Variants in PAPSS2 observed in about 807,000 individuals in gnomAD.
PAPSS2 encodes 3'-phosphoadenosine 5'-phosphosulfate synthase 2, also known as bifunctional 3'-phosphoadenosine 5'-phosphosulfate synthase 2.
A neutral mutation model predicts 66.5 loss-of-function variants in PAPSS2; 61 were observed. That is an observed-to-expected ratio of 0.92 (90% CI 0.75 to 1.14). The LOEUF (loss-of-function observed/expected upper bound fraction) is 1.14. PAPSS2 is among the 50% of genes most tolerant of loss of function. PAPSS2 has a pLI of 0.00. For missense variants in PAPSS2, 708 were observed against 789.6 expected, an observed-to-expected ratio of 0.90 and a Z score of 1.24; for synonymous variants, 289 against 287.5, an observed-to-expected ratio of 1.01 and a Z score of -0.05.
chr10:87,692,109 G>C (rs1853178805), intron 1 of PAPSS2, among the ~76,000 whole-genome samples: 1 of 151,802 alleles, frequency 6.6e-6, no homozygotes, highest in African/African-American at 2.4e-5. Flanking sequence ...AGACTTGATA[G>C]ATTAATTTTT....
chr10:87,685,683 CA>C (rs1395669944), intron 1 of PAPSS2, among the ~76,000 whole-genome samples: 4 of 151,928 alleles, frequency 2.6e-5, no homozygotes, highest in Non-Finnish European at 2.9e-5. Context: ...GACCCTGTCT[CA>C]AAAAAAATTT....
At chr10:87,743,920 G>T (rs1853905142) in intron 11 of PAPSS2, among the ~76,000 whole-genome samples, 1 of 152,130 alleles carries the variant, frequency 6.6e-6, no homozygotes, top group Non-Finnish European at 1.5e-5. Context: ...TGACCAACAT[G>T]ATGAAACCCT....
chr10:87,746,108 T>TAA lies in PAPSS2; in HGVS notation c.*146_*147dup, dbSNP rs141653988. On this transcript the variant is annotated 3_prime_UTR_variant, in exon 13 of 13. Transcript: ENST00000456849. ...ATGAAGTAAAAGTTGTGTCTATAAT[T>TAA]AAAAAAAAATATATATATATACACA... 64 of 631,544 alleles carry TAA rather than the reference T, an allele frequency of 1.0e-4. No homozygotes were observed. Among genetic ancestry groups the TAA allele is most frequent in the South Asian group, 4.6e-4 (21 of 45,912 alleles). The allele number at this position is 631,544 out of a possible 1,614,324, so 39.1% of individuals were successfully genotyped here.
intron 1 of PAPSS2, among the ~76,000 whole-genome samples, chr10:87,703,300 T>A (rs1311300087): frequency 6.6e-6 from 1 of 151,682 alleles, no homozygotes; most frequent in East Asian, 1.9e-4. Flanking sequence ...TGTGTGTGTG[T>A]GTGTGTGTGT....
At chr10:87,711,846 T>C (rs1282498924) in intron 2 of PAPSS2, among the ~76,000 whole-genome samples, 1 of 150,794 alleles carries the variant, frequency 6.6e-6, no homozygotes, top group Non-Finnish European at 1.5e-5. Flanking sequence ...ACCTCTTGGC[T>C]TTTTTCCTCT....
chr10:87,714,220 G>A, intron 4 of PAPSS2, 38 bp downstream of exon 4: 2 of 1,603,534 alleles, frequency 1.2e-6, no homozygotes, highest in Middle Eastern at 1.7e-4. Context: ...CAGTTACATA[G>A]GCTGTCAGTC....
intron 1 of PAPSS2, among the ~76,000 whole-genome samples, chr10:87,667,736 A>G (rs1014643390): frequency 9.2e-5 from 14 of 152,232 alleles, no homozygotes; most frequent in African/African-American, 3.4e-4. Context: ...GTATACCATC[A>G]AATATTAACT....
chr10:87,714,023 C>T, intron 3 of PAPSS2, 21 bp from the exon 4 acceptor site: 3 of 1,613,350 alleles, frequency 1.9e-6, no homozygotes, highest in Non-Finnish European at 2.5e-6. Context: ...TTTTTACATT[C>T]TTAATCATAT....
intron 1 of PAPSS2, among the ~76,000 whole-genome samples, chr10:87,696,277 T>A (rs555096145): frequency 6.6e-6 from 1 of 152,370 alleles, no homozygotes; most frequent in South Asian, 2.1e-4. Context: ...CTTTTGAGTA[T>A]TTGCCCTTCT....
At chr10:87,674,553 A>G (rs1402758500) in intron 1 of PAPSS2, among the ~76,000 whole-genome samples, 1 of 152,176 alleles carries the variant, frequency 6.6e-6, no homozygotes, top group Non-Finnish European at 1.5e-5. Context: ...TATTAGCAAT[A>G]CTTGTGACTA....
At chr10:87,683,231 T>C (rs1853046544) in intron 1 of PAPSS2, among the ~76,000 whole-genome samples, 1 of 151,858 alleles carries the variant, frequency 6.6e-6, no homozygotes, top group Non-Finnish European at 1.5e-5. Context: ...TAGCTGGGAC[T>C]GCAGGTGTGC....
In PAPSS2 at chr10:87,662,619, A is replaced by C. The variant is rs182519151; in HGVS notation, c.27+2611A>C. 1.9e-4 allele frequency among the ~76,000 whole-genome samples: 23 copies of C among 122,312 alleles called. No homozygotes were observed. The East Asian group carries it at 6.5e-3, about 35-fold the overall frequency. The allele number at this position is 122,312 out of a possible 152,430, so 80.2% of individuals were successfully genotyped here. A position where few individuals can be genotyped will look rare whatever the true frequency, so the allele number is the denominator to read the frequency against. On this transcript the variant is annotated intron_variant, in intron 1 of 12. Coordinates refer to ENST00000456849, the MANE Select transcript of PAPSS2 (RefSeq NM_001015880.2). ...AGAGGGAAAGGGACAGACTGCCTCT[A>C]GGGGACTGGAAAGAAGGGAAGGCAA...
At chr10:87,743,717 T>A in intron 11 of PAPSS2, 76 bp downstream of exon 11, 1 of 1,525,540 alleles carries the variant, frequency 6.6e-7, no homozygotes, top group Non-Finnish European at 9.1e-7. Flanking sequence ...TAAATGAGTC[T>A]CTGGGATCCT....
At chr10:87,741,404 T>G in intron 10 of PAPSS2, 34 bp downstream of exon 10, 1 of 1,573,014 alleles carries the variant, frequency 6.4e-7, no homozygotes, top group Non-Finnish European at 8.7e-7. Context: ...TTTTATTTAT[T>G]TATTTATTGA....
chr10:87,721,347 C>T (rs1853597324), intron 7 of PAPSS2, among the ~76,000 whole-genome samples: 1 of 152,066 alleles, frequency 6.6e-6, no homozygotes, highest in Admixed American at 6.6e-5. Context: ...ATACTTGCTC[C>T]CAAAGCCTAG....
chr10:87,697,310 C>G (rs1853246632), intron 1 of PAPSS2, among the ~76,000 whole-genome samples: 2 of 152,126 alleles, frequency 1.3e-5, no homozygotes, highest in Admixed American at 1.3e-4. Context: ...TTGGCAACTC[C>G]TAGCAACTGT....
intron 9 of PAPSS2, among the ~76,000 whole-genome samples, chr10:87,728,604 G>A (rs1853688477): frequency 6.6e-6 from 1 of 152,148 alleles, no homozygotes; most frequent in Admixed American, 6.5e-5. Flanking sequence ...GCTGGACATG[G>A]TGGCGGGCAC....
chr10:87,686,416 T>C (rs1485009264), intron 1 of PAPSS2, among the ~76,000 whole-genome samples: 1 of 150,360 alleles, frequency 6.7e-6, no homozygotes, highest in Non-Finnish European at 1.5e-5. Context: ...TTTAGGAACA[T>C]CTGAATCCTG....
intron 6 of PAPSS2, 114 bp from the exon 7 acceptor site, chr10:87,715,616 CAT>C (rs768331798): frequency 4.4e-5 from 32 of 727,066 alleles, no homozygotes; most frequent in Non-Finnish European, 7.9e-5. Context: ...ACACTTAAAA[CAT>C]AGAAGGTTCT....
Sources: gnomAD v4.1 joint callset for allele counts (sites outside exome capture counted in the v4.1 genomes callset) on GRCh38, gnomAD v4.1.1 for gene constraint, MANE v1.5 for transcripts, NCBI Gene and HGNC (gene_info 2026-07-23, HGNC 2026-07-21) for gene names.